The following CHRM3 variants were observed in gnomAD, a reference collection of about 807,000 sequenced individuals.
CHRM3 encodes the protein muscarinic acetylcholine receptor M3.
Under a neutral mutation model 41.8 loss-of-function variants are expected in CHRM3, and 11 were observed. The ratio of observed to expected loss-of-function variants is 0.26; its 90% confidence interval spans 0.17 to 0.44. CHRM3 has a LOEUF of 0.44. CHRM3 is among the 20% of genes least tolerant of loss of function. The pLI is 1.00. For synonymous variants in CHRM3, 297 were observed against 301.4 expected (o/e 0.99, Z 0.15); for missense variants, 571 against 745.4 (o/e 0.77, Z 2.72).
At chr1:239,881,530 A>C (rs1677636044) in intron 6 of CHRM3, among the ~76,000 whole-genome samples, 1 of 152,116 alleles carries the variant, frequency 6.6e-6, no homozygotes, top group Non-Finnish European at 1.5e-5. Context: ...ACTTCTCTCA[A>C]TCAGATTTTC....
chr1:239,758,604 T>G (rs954110378), intron 5 of CHRM3, among the ~76,000 whole-genome samples: 12 of 152,232 alleles, frequency 7.9e-5, no homozygotes, highest in African/African-American at 2.9e-4. Context: ...TAACTGAAAT[T>G]ATTAAATGCT....
chr1:239,701,527 T>C, intron 5 of CHRM3, among the ~76,000 whole-genome samples: 1 of 152,216 alleles, frequency 6.6e-6, no homozygotes, highest in East Asian at 1.9e-4. Flanking sequence ...TTGACAGCTG[T>C]CCCTCATCAA....
chr1:239,743,687 A>G (rs1232664021), intron 5 of CHRM3, among the ~76,000 whole-genome samples: 4 of 151,492 alleles, frequency 2.6e-5, no homozygotes, highest in African/African-American at 9.7e-5. Flanking sequence ...CAAACCATCA[A>G]CCACTAGGTT....
At chr1:239,408,438 A>G (rs1032271517) in intron 1 of CHRM3, among the ~76,000 whole-genome samples, 13 of 148,682 alleles carry the variant, frequency 8.7e-5, no homozygotes, top group South Asian at 2.2e-4. Context: ...GCAGGAGAAT[A>G]GCGTGAACCC....
intron 6 of CHRM3, among the ~76,000 whole-genome samples, chr1:239,875,553 A>G (rs1049167113): frequency 1.3e-5 from 2 of 152,248 alleles, no homozygotes; most frequent in African/African-American, 4.8e-5. Context: ...TGCACAAAAT[A>G]AGGCATAGCC....
chr1:239,906,662 G>A (rs1011083746), intron 6 of CHRM3, among the ~76,000 whole-genome samples: 2 of 152,152 alleles, frequency 1.3e-5, no homozygotes, highest in African/African-American at 4.8e-5. Context: ...GTGTGGGTGT[G>A]TCCATTTGTT....
At chr1:239,613,301 T>C (rs1467791673) in intron 3 of CHRM3, among the ~76,000 whole-genome samples, 3 of 152,220 alleles carry the variant, frequency 2.0e-5, no homozygotes, top group Non-Finnish European at 4.4e-5. Flanking sequence ...TTGTTAGAGC[T>C]TATCTTCAAC....
At chr1:239,775,511 A>G (rs1668020463) in intron 5 of CHRM3, among the ~76,000 whole-genome samples, 1 of 152,220 alleles carries the variant, frequency 6.6e-6, no homozygotes, top group Non-Finnish European at 1.5e-5. Flanking sequence ...GGAAAGTACA[A>G]TTCAGCTTTA....
intron 1 of CHRM3, among the ~76,000 whole-genome samples, chr1:239,469,635 C>A (rs1365866541): frequency 6.6e-6 from 1 of 152,104 alleles, no homozygotes; most frequent in Non-Finnish European, 1.5e-5. Flanking sequence ...CGGCTCACTG[C>A]AACCTCTGCC....
intron 4 of CHRM3, among the ~76,000 whole-genome samples, chr1:239,658,927 C>T (rs1055247776): frequency 4.0e-5 from 6 of 151,838 alleles, no homozygotes; most frequent in Non-Finnish European, 5.9e-5. Flanking sequence ...TTAGTAGAGA[C>T]GGGTGTCACC....
chr1:239,870,164 A>G (rs918094599), intron 6 of CHRM3, among the ~76,000 whole-genome samples: 2 of 152,162 alleles, frequency 1.3e-5, no homozygotes, highest in African/African-American at 4.8e-5. Flanking sequence ...CAAGGAGTTT[A>G]TTATCTAAAG....
chr1:239,533,748 AAAC>A (rs552332695), intron 2 of CHRM3, among the ~76,000 whole-genome samples: 8,172 of 136,660 alleles, frequency 0.06, 551 homozygotes, highest in African/African-American at 0.083. Flanking sequence ...AAAAAAAAAA[AAAC>A]AAAAAAACCC....
At chr1:239,672,621 C>CAT (rs1674492331) in intron 4 of CHRM3, among the ~76,000 whole-genome samples, 1 of 151,588 alleles carries the variant, frequency 6.6e-6, no homozygotes, top group African/African-American at 2.4e-5. Flanking sequence ...CACACACACA[C>CAT]ACACACACAG....
intron 1 of CHRM3, among the ~76,000 whole-genome samples, chr1:239,410,870 T>C (rs1471817228): frequency 6.6e-6 from 1 of 152,204 alleles, no homozygotes; most frequent in African/African-American, 2.4e-5. Context: ...AAATAAGAAA[T>C]TCTGAGCACG....
rs112992281 is a variant in CHRM3, at chr1:239,394,267, C to G, written c.-521+7040C>G. Among the ~76,000 whole-genome samples the G allele has an allele frequency of 7.6e-3, 1,165 of 152,294 alleles. 10 individuals are homozygous for G. The highest frequency in any genetic ancestry group is 0.027 in the African/African-American group (1,125 of 41,560). On this transcript the variant is annotated intron_variant, in intron 1 of 6. Transcript: ENST00000676153. ...TCCTCTAAAGACCCTAGGGGAGAATCCTTCCTTTCTTCCTTCAGCTCCTGG... is the reference window on the plus strand; with the variant it reads ...TCCTCTAAAGACCCTAGGGGAGAATGCTTCCTTTCTTCCTTCAGCTCCTGG...
chr1:239,535,235 C>A (rs1305733585), intron 2 of CHRM3, among the ~76,000 whole-genome samples: 1 of 152,138 alleles, frequency 6.6e-6, no homozygotes, highest in Non-Finnish European at 1.5e-5. Context: ...GTGGCCCACA[C>A]TGGCCCAGAA....
At chr1:239,821,720 C>T (rs1672067472) in intron 5 of CHRM3, among the ~76,000 whole-genome samples, 1 of 152,172 alleles carries the variant, frequency 6.6e-6, no homozygotes, top group Admixed American at 6.5e-5. Context: ...AATCAGAATA[C>T]AGTTTTCTAA....
intron 5 of CHRM3, among the ~76,000 whole-genome samples, chr1:239,708,736 C>CTTTTTTTTTTTTTTTTTTTTTTTTT (rs869143310): frequency 1.0e-4 from 5 of 48,294 alleles, no homozygotes; most frequent in African/African-American, 2.7e-4. Flanking sequence ...TTTAAATTTT[C>CTTTTTTTTTTTTTTTTTTTTTTTTT]TTTTTTTTTT....
At chr1:239,521,580 A>G (rs1035902668) in intron 2 of CHRM3, among the ~76,000 whole-genome samples, 1 of 152,344 alleles carries the variant, frequency 6.6e-6, no homozygotes, top group Middle Eastern at 3.4e-3. Context: ...ATGCTGAAAT[A>G]CAATACTACG....
Sources: gnomAD v4.1 joint callset for allele counts (sites outside exome capture counted in the v4.1 genomes callset) on GRCh38, gnomAD v4.1.1 for gene constraint, MANE v1.5 for transcripts, NCBI Gene and HGNC (gene_info 2026-07-23, HGNC 2026-07-21) for gene names.